Variants in PDE11A observed in about 807,000 individuals in gnomAD.
PDE11A encodes the protein phosphodiesterase 11A.
Under a neutral mutation model 100.5 loss-of-function variants are expected in PDE11A, and 100 were observed. The observed-to-expected ratio is 1.00, with a 90% CI of 0.85 to 1.18. PDE11A has a LOEUF of 1.18. PDE11A is among the 50% of genes most tolerant of loss of function. PDE11A has a pLI of 0.00. For synonymous variants in PDE11A, 381 were observed against 420.8 expected (o/e 0.91, Z 1.16); for missense variants, 1,141 against 1,152.6 (o/e 0.99, Z 0.15).
chr2:177,887,957 T>C (rs2084468265), intron 4 of PDE11A, among the ~76,000 whole-genome samples: 1 of 151,680 alleles, frequency 6.6e-6, no homozygotes, highest in Admixed American at 6.6e-5. Context: ...CCTGATCACA[T>C]CATCTGGCTG....
chr2:177,922,130 C>T (rs1012354753), intron 2 of PDE11A, among the ~76,000 whole-genome samples: 5 of 152,140 alleles, frequency 3.3e-5, no homozygotes, highest in African/African-American at 9.7e-5. Flanking sequence ...ATCTCACTCT[C>T]CTCTCTTTCT....
chr2:178,026,332 G>A (rs759410802), intron 1 of PDE11A, among the ~76,000 whole-genome samples: 11 of 152,134 alleles, frequency 7.2e-5, no homozygotes, highest in Non-Finnish European at 1.5e-4. Context: ...AATATGCAAA[G>A]GTTACAATTC....
intron 2 of PDE11A, among the ~76,000 whole-genome samples, chr2:177,987,033 G>A (rs2085948644): frequency 6.6e-6 from 1 of 152,136 alleles, no homozygotes; most frequent in Non-Finnish European, 1.5e-5. Context: ...ATCCTTCAAT[G>A]TGTTTTCACA....
chr2:177,678,193 TG>T (rs2080808319), intron 16 of PDE11A, among the ~76,000 whole-genome samples: 1 of 152,198 alleles, frequency 6.6e-6, no homozygotes, highest in African/African-American at 2.4e-5. Context: ...GTGCTATCAT[TG>T]TTTGTTCTGA....
rs545094395 is a variant in PDE11A, at chr2:177,961,954, G to C, written c.1071+52348C>G. Among the ~76,000 whole-genome samples the C allele has an allele frequency of 1.2e-3, 183 of 150,408 alleles. 1 individual carries two copies. The highest frequency in any genetic ancestry group is 3.4e-3 in the Middle Eastern group (1 of 290). On this transcript the variant is annotated intron_variant, in intron 2 of 19. Transcript: ENST00000286063. ...CACCTGTAATTTCAGCTACTCGGGA[G>C]GCTGAGGCATGAGAATTGCTTGATC...
chr2:177,909,285 C>T (rs1559001870), intron 2 of PDE11A, among the ~76,000 whole-genome samples: 1 of 152,072 alleles, frequency 6.6e-6, no homozygotes, highest in Non-Finnish European at 1.5e-5. Flanking sequence ...GTTTTGTGTA[C>T]TCCAATTTTT....
intron 10 of PDE11A, among the ~76,000 whole-genome samples, chr2:177,755,398 G>A (rs1482234522): frequency 6.6e-6 from 1 of 152,182 alleles, no homozygotes; most frequent in African/African-American, 2.4e-5. Context: ...ATTACGAAGA[G>A]GCTCTTGTGA....
chr2:178,092,416 C>A (rs552392756), intron 2 of PDE11A: 1 of 152,280 alleles, frequency 6.6e-6, no homozygotes, highest in African/African-American at 2.4e-5. Context: ...AAACTTACTA[C>A]AGGCTGATCA....
chr2:177,918,095 T>C (rs1289447094), intron 2 of PDE11A, among the ~76,000 whole-genome samples: 3 of 152,176 alleles, frequency 2.0e-5, no homozygotes, highest in African/African-American at 7.2e-5. Flanking sequence ...AGCTTTAAAG[T>C]TTGGCCTAAC....
chr2:177,881,372 T>TATCTATCTATCTATCC (rs896087398), intron 4 of PDE11A, among the ~76,000 whole-genome samples: 1 of 151,846 alleles, frequency 6.6e-6, no homozygotes, highest in Non-Finnish European at 1.5e-5. Flanking sequence ...TCTATCTATC[T>TATCTATCTATCTATCC]ATCTATCTAT....
rs149627351 is a variant in PDE11A at position 177,701,142 on chromosome 2, G to A, written c.2223C>T (p.Ala741=). 46 of 1,598,932 alleles carry A rather than the reference G, an allele frequency of 2.9e-5. No individual in the cohort carries two copies. The African/African-American group carries it at 4.3e-4, about 15-fold the overall frequency. ...ATLEHHHFNH[A]VMILQSEGHN... ...GTACCTCACTTTGAAGGATCATCAC[G>A]GCGTGGTTGAAATGGTGATGCTCCA... The change falls in exon 14 of 20, where the codon GCC becomes GCT. Residue 741 remains alanine (A), a synonymous_variant. Transcript: ENST00000286063.
At chr2:177,637,202 T>C (rs938022437) in intron 19 of PDE11A, among the ~76,000 whole-genome samples, 7 of 152,184 alleles carry the variant, frequency 4.6e-5, no homozygotes, top group Non-Finnish European at 8.8e-5. Flanking sequence ...GATAAGGAAA[T>C]TGAGGTTCAC....
intron 5 of PDE11A, 37 bp downstream of exon 5, chr2:177,875,822 A>G (rs1281290213): frequency 2.9e-6 from 4 of 1,388,220 alleles, no homozygotes; most frequent in South Asian, 1.2e-5. Flanking sequence ...CAAGGACAAA[A>G]GAACATCAAA....
At chr2:177,818,910 A>C (rs2083088682) in intron 7 of PDE11A, among the ~76,000 whole-genome samples, 1 of 151,988 alleles carries the variant, frequency 6.6e-6, no homozygotes. Context: ...TTTTAAAAAC[A>C]CCCAACTTCC....
At chr2:177,787,399 G>A (rs942867176) in intron 9 of PDE11A, among the ~76,000 whole-genome samples, 44 of 151,350 alleles carry the variant, frequency 2.9e-4, no homozygotes, top group Middle Eastern at 3.4e-3. Context: ...CACTAAACAT[G>A]GAAAGGAACA....
chr2:177,773,345 G>A (rs2082338333), intron 9 of PDE11A, among the ~76,000 whole-genome samples: 1 of 152,146 alleles, frequency 6.6e-6, no homozygotes. Flanking sequence ...CCCCCGAGTT[G>A]TGAATATATA....
intron 19 of PDE11A, among the ~76,000 whole-genome samples, chr2:177,635,441 G>A (rs1287974832): frequency 6.6e-6 from 1 of 152,074 alleles, no homozygotes; most frequent in African/African-American, 2.4e-5. Flanking sequence ...CCCCACTATG[G>A]GACACAGCCT....
At chr2:177,651,537 A>T (rs2105460858) in intron 19 of PDE11A, among the ~76,000 whole-genome samples, 1 of 152,278 alleles carries the variant, frequency 6.6e-6, no homozygotes, top group Non-Finnish European at 1.5e-5. Flanking sequence ...GCGAGTCCTC[A>T]GTTTATGAGT....
At chr2:177,723,776 CT>C (rs1341901070) in intron 12 of PDE11A, among the ~76,000 whole-genome samples, 4 of 151,418 alleles carry the variant, frequency 2.6e-5, no homozygotes, top group Admixed American at 6.6e-5. Context: ...TTAAAGAAAT[CT>C]TTTTTTTTCC....
Sources: gnomAD v4.1 joint callset for allele counts (sites outside exome capture counted in the v4.1 genomes callset) on GRCh38, gnomAD v4.1.1 for gene constraint, MANE v1.5 for transcripts, NCBI Gene and HGNC (gene_info 2026-07-23, HGNC 2026-07-21) for gene names.